The following SGCZ variants were observed in gnomAD, a reference collection of about 807,000 sequenced individuals.
SGCZ encodes the protein sarcoglycan zeta.
A neutral mutation model predicts 41.3 loss-of-function variants in SGCZ; 40 were observed. That is an observed-to-expected ratio of 0.97 (90% CI 0.75 to 1.26). SGCZ has a LOEUF of 1.26. SGCZ is among the 50% of genes most tolerant of loss of function. SGCZ has a pLI of 0.00. For missense variants in SGCZ, 552 were observed against 369.8 expected (o/e 1.49, Z -4.04); for synonymous variants, 206 against 137.5 (o/e 1.50, Z -3.49).
chr8:14,742,817 C>T (rs981299139), intron 1 of SGCZ, among the ~76,000 whole-genome samples: 12 of 151,982 alleles, frequency 7.9e-5, no homozygotes, highest in African/African-American at 2.9e-4. Flanking sequence ...TGTATGTTAC[C>T]TGTATATTTA....
chr8:14,663,096 A>G (rs1807807358), intron 1 of SGCZ, among the ~76,000 whole-genome samples: 1 of 152,188 alleles, frequency 6.6e-6, no homozygotes, highest in Non-Finnish European at 1.5e-5. Context: ...ATTATGACCT[A>G]TAAAACTATA....
At chr8:14,668,191 C>G (rs532205246) in intron 1 of SGCZ, among the ~76,000 whole-genome samples, 2 of 152,140 alleles carry the variant, frequency 1.3e-5, no homozygotes, top group African/African-American at 4.8e-5. Context: ...AACTCCTGAC[C>G]TCAGGTTATC....
intron 2 of SGCZ, among the ~76,000 whole-genome samples, chr8:14,451,074 G>C (rs1015544964): frequency 6.6e-6 from 1 of 152,128 alleles, no homozygotes; most frequent in African/African-American, 2.4e-5. Flanking sequence ...GTCAAAACCA[G>C]TTAGCAATTT....
intron 5 of SGCZ, among the ~76,000 whole-genome samples, chr8:14,119,374 G>T (rs1275519134): frequency 1.4e-5 from 2 of 145,772 alleles, no homozygotes; most frequent in Admixed American, 7.0e-5. Context: ...GTCTATTATT[G>T]GTGTTAGGAA....
intron 6 of SGCZ, among the ~76,000 whole-genome samples, chr8:14,103,896 G>A (rs1050340103): frequency 4.6e-5 from 7 of 152,100 alleles, no homozygotes; most frequent in African/African-American, 1.4e-4. Flanking sequence ...GTATCTAAAT[G>A]TCAAAATTTG....
chr8:14,367,538 A>G (rs532925960), intron 2 of SGCZ, among the ~76,000 whole-genome samples: 64 of 152,166 alleles, frequency 4.2e-4, no homozygotes, highest in African/African-American at 1.5e-3. Context: ...GGTTTAATGG[A>G]CTCACAGTTA....
chr8:14,943,309 T>A (rs957357189), intron 1 of SGCZ, among the ~76,000 whole-genome samples: 12 of 152,142 alleles, frequency 7.9e-5, no homozygotes. Flanking sequence ...ACCTTAAATA[T>A]TTAACAAGAT....
Position 15,085,494 on chromosome 8 carries a change from G to T in SGCZ, c.39+152091C>A, listed in dbSNP as rs181411332. ...TAAGGAAATAAATTCCCCAGGAGTGGCATTGTCAATTTCACTAAAACAGGA... is the reference window on the plus strand; with the variant it reads ...TAAGGAAATAAATTCCCCAGGAGTGTCATTGTCAATTTCACTAAAACAGGA... On this transcript the variant is annotated intron_variant, in intron 1 of 7. Coordinates refer to ENST00000382080, the MANE Select transcript of SGCZ (RefSeq NM_139167.4). 4.7e-4 allele frequency among the ~76,000 whole-genome samples: 71 copies of T among 152,174 alleles called. No homozygotes were observed. The East Asian group carries it at 0.012, about 27-fold the overall frequency.
At chr8:14,352,269 T>C (rs1352806886) in intron 2 of SGCZ, among the ~76,000 whole-genome samples, 2 of 151,670 alleles carry the variant, frequency 1.3e-5, no homozygotes, top group African/African-American at 2.4e-5. Flanking sequence ...AGCTACTGAG[T>C]GAGGAAGGTG....
chr8:14,095,955 T>C (rs750065703), intron 7 of SGCZ, among the ~76,000 whole-genome samples: 14 of 152,204 alleles, frequency 9.2e-5, no homozygotes, highest in Admixed American at 6.5e-4. Context: ...ATTGATTTTG[T>C]AACCTGAGAC....
At chr8:14,160,230 T>C (rs1803998651) in intron 5 of SGCZ, among the ~76,000 whole-genome samples, 2 of 152,208 alleles carry the variant, frequency 1.3e-5, no homozygotes, top group Non-Finnish European at 2.9e-5. Context: ...CATGAAACAA[T>C]TCTACGGGGC....
chr8:14,860,550 G>C (rs981347552), intron 1 of SGCZ, among the ~76,000 whole-genome samples: 1 of 141,848 alleles, frequency 7.0e-6, no homozygotes, highest in Non-Finnish European at 1.5e-5. Flanking sequence ...AAGAAAGAAA[G>C]AGAAAGGAAA....
At chr8:15,215,707 T>C (rs1214667733) in intron 1 of SGCZ, among the ~76,000 whole-genome samples, 1 of 152,202 alleles carries the variant, frequency 6.6e-6, no homozygotes, top group Non-Finnish European at 1.5e-5. Flanking sequence ...TAAGGCAGTC[T>C]GACCCTGCCA....
chr8:14,935,579 C>G (rs1218053697), intron 1 of SGCZ, among the ~76,000 whole-genome samples: 1 of 151,602 alleles, frequency 6.6e-6, no homozygotes, highest in Non-Finnish European at 1.5e-5. Context: ...TGATCAAGAA[C>G]AAGAGTATTG....
At chr8:15,217,274 G>A (rs1018745458) in intron 1 of SGCZ, among the ~76,000 whole-genome samples, 16 of 151,500 alleles carry the variant, frequency 1.1e-4, no homozygotes, top group Admixed American at 2.6e-4. Context: ...AAAATTAGCC[G>A]GGCGTGTTGG....
intron 1 of SGCZ, chr8:14,879,314 T>A (rs1434091547): frequency 1.3e-5 from 2 of 151,462 alleles, no homozygotes; most frequent in African/African-American, 4.9e-5. Flanking sequence ...GATGACAGAG[T>A]GAGACTCTAT....
chr8:15,231,187 G>A lies in SGCZ; in HGVS notation c.39+6398C>T, dbSNP rs140704040. Among the ~76,000 whole-genome samples, 356 of 152,308 alleles carry A rather than the reference G, an allele frequency of 2.3e-3. 3 individuals carry two copies. The highest frequency in any genetic ancestry group is 3.4e-3 in the Non-Finnish European group (229 of 68,024). ...CTGAAGCTTTAGCCCCTGTTTCCCT[G>A]ATGGACATTGCCATGATAATTAAAG... On this transcript the variant is annotated intron_variant, in intron 1 of 7. Transcript: ENST00000382080.
At position 14,561,480 on chromosome 8, in the gene SGCZ, T is replaced by G. The variant is rs1041491953; in HGVS notation, c.40-6554A>C. On this transcript the variant is annotated intron_variant, in intron 1 of 7. Coordinates refer to ENST00000382080, the MANE Select transcript of SGCZ (RefSeq NM_139167.4). ...GCTGTACCTCCCTTTTGATGTTAAT[T>G]CAATGCCCTCAAAATCTGTTTGTTA... Among the ~76,000 whole-genome samples the G allele has an allele frequency of 3.9e-5, 6 of 152,144 alleles. No homozygotes were observed. In the East Asian group the frequency reaches 1.2e-3, roughly 29 times the overall value.
intron 5 of SGCZ, among the ~76,000 whole-genome samples, chr8:14,119,327 G>T (rs746057977): frequency 1.1e-4 from 17 of 152,002 alleles, no homozygotes; most frequent in Admixed American, 8.5e-4. Context: ...TATAGCAATT[G>T]TGAATGGGAG....
Sources: allele counts gnomAD v4.1 joint callset (sites outside exome capture counted in the v4.1 genomes callset), GRCh38; gene constraint gnomAD v4.1.1; transcripts MANE v1.5; gene names NCBI Gene and HGNC (gene_info 2026-07-23, HGNC 2026-07-21).